The following HPSE variants were observed in gnomAD, a reference collection of about 807,000 sequenced individuals.
HPSE encodes the protein endo-glucoronidase.
Under a neutral mutation model 65.1 loss-of-function variants are expected in HPSE, and 48 were observed. That is an observed-to-expected ratio of 0.74 (90% CI 0.58 to 0.94). The LOEUF (loss-of-function observed/expected upper bound fraction) is 0.94, where lower values mean the gene tolerates loss of function less well. Ranked by LOEUF, HPSE falls within the 40% of genes least tolerant of loss-of-function variation. HPSE has a pLI of 0.00. For missense variants in HPSE, 644 were observed against 637.5 expected (o/e 1.01, Z -0.11); for synonymous variants, 243 against 260.0 (o/e 0.93, Z 0.63).
At chr4:83,329,347 A>G (rs933866526) in intron 1 of HPSE, among the ~76,000 whole-genome samples, 8 of 152,176 alleles carry the variant, frequency 5.3e-5, no homozygotes, top group African/African-American at 1.7e-4. Flanking sequence ...AAGAGAGAAA[A>G]TATGGTTGGA....
At chr4:83,308,805 G>T (rs761925741) in intron 8 of HPSE, 40 bp downstream of exon 8, 2 of 1,426,640 alleles carry the variant, frequency 1.4e-6, no homozygotes, top group East Asian at 4.6e-5. Flanking sequence ...ATGGAGAAGA[G>T]CTGCACTCTG....
chr4:83,315,447 C>G (rs1332563183), intron 3 of HPSE, among the ~76,000 whole-genome samples: 1 of 152,194 alleles, frequency 6.6e-6, no homozygotes, highest in Non-Finnish European at 1.5e-5. Flanking sequence ...AACTGAGATT[C>G]AAATAAGGTA....
At chr4:83,302,877 A>G (rs1736004231) in intron 9 of HPSE, among the ~76,000 whole-genome samples, 1 of 152,156 alleles carries the variant, frequency 6.6e-6, no homozygotes, top group Non-Finnish European at 1.5e-5. Flanking sequence ...CAGGAGGCTG[A>G]GGTGAGAAGA....
At chr4:83,295,579 C>A (rs1735694782) in intron 11 of HPSE, 76 bp from the exon 12 acceptor site, 3 of 1,245,550 alleles carry the variant, frequency 2.4e-6, no homozygotes, top group Non-Finnish European at 3.3e-6. Flanking sequence ...GTCATGAAAT[C>A]TTTTTTAGAC....
At chr4:83,327,785 C>A (rs1456791469) in intron 1 of HPSE, among the ~76,000 whole-genome samples, 1 of 152,158 alleles carries the variant, frequency 6.6e-6, no homozygotes, top group Non-Finnish European at 1.5e-5. Context: ...TGGAATTGGC[C>A]ATGGAGGGAG....
At chr4:83,308,130 G>A (rs192649186) in intron 8 of HPSE, among the ~76,000 whole-genome samples, 77 of 151,534 alleles carry the variant, frequency 5.1e-4, no homozygotes, top group African/African-American at 1.5e-3. Flanking sequence ...GGGTGTGGCC[G>A]GGCGTGGTGG....
Position 83,310,863 on chromosome 4 carries a change from T to C in HPSE, c.701A>G (p.Asp234Gly), listed in dbSNP as rs756585984. The C allele has an allele frequency of 5.0e-6, 8 of 1,613,706 alleles. No individual in the cohort carries two copies. Among genetic ancestry groups the C allele is most frequent in the Non-Finnish European group, 6.8e-6 (8 of 1,179,672 alleles). The change falls in exon 5 of 12, where the codon GAT (aspartate) becomes GGT (glycine). Residue 234 changes from aspartate to glycine, a missense_variant. Transcript: ENST00000311412. Reference protein sequence around the residue: ...NEPNSFLKKADIFINGSQLGE... With the variant: ...NEPNSFLKKAGIFINGSQLGE... Reference sequence around the variant, plus strand: ...TAACTGCGACCCATTGATGAAAATATCAGCCTTCTTAAGGAAACTGTTAGG... The same window carrying C: ...TAACTGCGACCCATTGATGAAAATACCAGCCTTCTTAAGGAAACTGTTAGG...
chr4:83,333,271 T>C (rs529268404), intron 1 of HPSE, among the ~76,000 whole-genome samples: 4 of 152,322 alleles, frequency 2.6e-5, no homozygotes, highest in Admixed American at 6.5e-5. Context: ...CCTCGGGCAA[T>C]AATCCTTGAG....
intron 3 of HPSE, among the ~76,000 whole-genome samples, chr4:83,314,655 A>G (rs1454046005): frequency 6.6e-6 from 1 of 152,202 alleles, no homozygotes; most frequent in Non-Finnish European, 1.5e-5. Context: ...TAAATTGATT[A>G]TCATATGCAT....
intron 1 of HPSE, among the ~76,000 whole-genome samples, chr4:83,331,246 T>G (rs1737359512): frequency 2.6e-5 from 4 of 152,100 alleles, no homozygotes; most frequent in Admixed American, 2.6e-4. Context: ...AGAAGTGCTG[T>G]AAATAATACA....
At position 83,326,669 on chromosome 4, in the gene HPSE, T is replaced by TC. The variant is rs1195276573; in HGVS notation, c.228-4306dup. 5.9e-5 allele frequency among the ~76,000 whole-genome samples: 9 copies of TC among 152,186 alleles called. No homozygotes were observed. Among genetic ancestry groups the TC allele is most frequent in the African/African-American group, 2.2e-4 (9 of 41,512 alleles). ...GGACTGGCAACCCCTAGCTCACAGG[T>TC]CACAAGGTATGGCCCTAAAACCAAG... On this transcript the variant is annotated intron_variant, in intron 1 of 11. Transcript: ENST00000311412. This position sits in a 1 kb window ranked among gnomAD's most constrained non-coding sequence, Gnocchi z 4.2.
In HPSE at chr4:83,322,789, T is replaced by TGTGTGTG. The variant is rs1560514324; in HGVS notation, c.228-426_228-425insCACACAC. On this transcript the variant is annotated intron_variant, in intron 1 of 11. Transcript: ENST00000311412. ...AGCTCTAATTCTGGCAAGAGCTTGT[T>TGTGTGTG]TGTGTGTGTGTGTGTGTGTGTGTGT... Among the ~76,000 whole-genome samples, 43 of 104,060 alleles carry TGTGTGTG rather than the reference T, an allele frequency of 4.1e-4. 1 individual carries two copies. Among genetic ancestry groups the TGTGTGTG allele is most frequent in the African/African-American group, 1.3e-3 (35 of 27,444 alleles). 68.3% of individuals were successfully genotyped at this position (104,060 alleles called of 152,430 possible).
chr4:83,314,257 C>CAAA (rs11347608), intron 3 of HPSE, among the ~76,000 whole-genome samples: 1 of 98,268 alleles, frequency 1.0e-5, no homozygotes, highest in Non-Finnish European at 2.0e-5. Flanking sequence ...GATCCTGTCT[C>CAAA]AAAAAAAAAA....
At chr4:83,298,313 A>C (rs1735805943) in intron 11 of HPSE, among the ~76,000 whole-genome samples, 1 of 152,304 alleles carries the variant, frequency 6.6e-6, no homozygotes, top group East Asian at 1.9e-4. Context: ...TGTATGAGAT[A>C]AATATAAAAT....
At chr4:83,297,796 G>A (rs916286879) in intron 11 of HPSE, among the ~76,000 whole-genome samples, 2 of 152,162 alleles carry the variant, frequency 1.3e-5, no homozygotes, top group African/African-American at 4.8e-5. Context: ...TGGAGTGAAG[G>A]GGGAAATGCC....
chr4:83,330,984 C>T (rs1349877811), intron 1 of HPSE, among the ~76,000 whole-genome samples: 1 of 152,168 alleles, frequency 6.6e-6, no homozygotes, highest in Non-Finnish European at 1.5e-5. Flanking sequence ...GTGGGCATAT[C>T]ACCTGAGCTC....
In HPSE at chr4:83,295,281, C is replaced by T. The variant is rs1735679142; in HGVS notation, c.*63G>A. 1 of 1,417,708 alleles carries T rather than the reference C, an allele frequency of 7.1e-7. No homozygotes were observed. Among genetic ancestry groups the T allele is most frequent in the Non-Finnish European group, 9.6e-7 (1 of 1,040,044 alleles). 87.8% of individuals were successfully genotyped at this position (1,417,708 alleles called of 1,614,324 possible). On this transcript the variant is annotated 3_prime_UTR_variant, in exon 12 of 12. Transcript: ENST00000311412. ...AAGGTATCTGCTTCCTTTCCTATAA[C>T]TTGAGTTGCTTTACTCTTAGTATAC...
intron 1 of HPSE, among the ~76,000 whole-genome samples, chr4:83,328,256 G>T (rs531663563): frequency 6.6e-6 from 1 of 152,182 alleles, no homozygotes; most frequent in Admixed American, 6.5e-5. Context: ...CCCTCTCTAG[G>T]CGCAGGAAAG....
intron 11 of HPSE, among the ~76,000 whole-genome samples, chr4:83,299,651 TG>T (rs1337740588): frequency 1.3e-5 from 2 of 152,116 alleles, no homozygotes; most frequent in Non-Finnish European, 2.9e-5. Context: ...ATCACTTATG[TG>T]GCATTTGCAA....
Sources: allele counts gnomAD v4.1 joint callset (sites outside exome capture counted in the v4.1 genomes callset), GRCh38; gene constraint gnomAD v4.1.1; non-coding constraint Gnocchi (gnomAD v3.1); transcripts MANE v1.5; gene names NCBI Gene and HGNC (gene_info 2026-07-23, HGNC 2026-07-21).